The following CRIM1 variants were observed in gnomAD, a reference collection of about 807,000 sequenced individuals.
The protein encoded by CRIM1 is cysteine rich transmembrane BMP regulator 1, also known as cysteine-rich motor neuron 1 protein.
Under a neutral mutation model 116.4 loss-of-function variants are expected in CRIM1, and 32 were observed. The ratio of observed to expected loss-of-function variants is 0.27; its 90% confidence interval spans 0.21 to 0.37. CRIM1 has a LOEUF of 0.37. Ranked by LOEUF, CRIM1 falls within the 10% of genes least tolerant of loss-of-function variation. CRIM1 has a pLI of 1.00. For synonymous variants in CRIM1, 590 were observed against 509.2 expected, an observed-to-expected ratio of 1.16 and a Z score of -2.13; for missense variants, 1,331 against 1,354.8, an observed-to-expected ratio of 0.98 and a Z score of 0.28.
At chr2:36,428,242 G>A (rs1240203382) in intron 2 of CRIM1, among the ~76,000 whole-genome samples, 2 of 152,182 alleles carry the variant, frequency 1.3e-5, no homozygotes, top group Non-Finnish European at 2.9e-5. Context: ...GACATTCATA[G>A]GTAAATGACC....
intron 2 of CRIM1, among the ~76,000 whole-genome samples, chr2:36,400,464 G>C (rs1041618329): frequency 6.6e-6 from 1 of 152,110 alleles, no homozygotes; most frequent in Non-Finnish European, 1.5e-5. Context: ...AGGTTCTGCA[G>C]GTAAATGCCA....
At chr2:36,424,540 G>T (rs1447459811) in intron 2 of CRIM1, among the ~76,000 whole-genome samples, 1 of 152,160 alleles carries the variant, frequency 6.6e-6, no homozygotes, top group East Asian at 1.9e-4. Flanking sequence ...TCCACAGTAG[G>T]GCTGTGTCCT....
chr2:36,537,648 C>G, intron 14 of CRIM1, 102 bp downstream of exon 14: 1 of 1,295,236 alleles, frequency 7.7e-7, no homozygotes, highest in Non-Finnish European at 1.0e-6. Context: ...GTTCACACGG[C>G]CCAAGTAGCG....
At chr2:36,389,938 GGTGTTC>G (rs1025734786) in intron 1 of CRIM1, among the ~76,000 whole-genome samples, 4 of 152,054 alleles carry the variant, frequency 2.6e-5, no homozygotes, top group Admixed American at 2.6e-4. Context: ...TCACATATCT[GGTGTTC>G]GTTATGCCTC....
chr2:36,512,143 A>G (rs573249981), intron 9 of CRIM1, 130 bp from the exon 10 acceptor site: 1 of 1,103,156 alleles, frequency 9.1e-7, no homozygotes, highest in African/African-American at 1.5e-5. Flanking sequence ...CACTCCAGGA[A>G]TCTTTGAGAG....
chr2:36,410,497 C>G (rs1470403207), intron 2 of CRIM1, among the ~76,000 whole-genome samples: 1 of 151,916 alleles, frequency 6.6e-6, no homozygotes, highest in Admixed American at 6.6e-5. Context: ...GTATCTTGTC[C>G]TTGTCAGGGT....
At chr2:36,451,084 A>G (rs1314034863) in intron 4 of CRIM1, among the ~76,000 whole-genome samples, 1 of 152,208 alleles carries the variant, frequency 6.6e-6, no homozygotes, top group African/African-American at 2.4e-5. Flanking sequence ...CAAGGTACAG[A>G]TTTTAAAATG....
At chr2:36,372,060 A>G (rs1310522927) in intron 1 of CRIM1, among the ~76,000 whole-genome samples, 2 of 152,196 alleles carry the variant, frequency 1.3e-5, no homozygotes, top group Non-Finnish European at 2.9e-5. Flanking sequence ...GTGAGTGCCA[A>G]GTGCAGTGTG....
At position 36,495,899 on chromosome 2, in the gene CRIM1, C is replaced by T. The variant is rs116498805; in HGVS notation, c.1373-3320C>T. Among the ~76,000 whole-genome samples, 1,371 of 152,076 alleles carry T rather than the reference C, an allele frequency of 9.0e-3. 27 individuals carry two copies. The highest frequency in any genetic ancestry group is 0.031 in the African/African-American group (1,275 of 41,470). ...ATAGGTAGATAGTCTATATACTTAC[C>T]GGTCATATTTTTGTCGTAATGTTGT... On this transcript the variant is annotated intron_variant, in intron 7 of 16. Coordinates refer to ENST00000280527, the MANE Select transcript of CRIM1 (RefSeq NM_016441.3).
chr2:36,459,093 T>G (rs530176428), intron 4 of CRIM1, among the ~76,000 whole-genome samples: 3 of 151,004 alleles, frequency 2.0e-5, no homozygotes, highest in East Asian at 1.9e-4. Flanking sequence ...TGCTTTTTTG[T>G]TTTTTTTTAG....
intron 7 of CRIM1, among the ~76,000 whole-genome samples, chr2:36,497,483 A>G (rs1026602301): frequency 1.3e-5 from 2 of 152,204 alleles, no homozygotes; most frequent in Non-Finnish European, 2.9e-5. Context: ...AGAACTAAAG[A>G]TGTTTGCAGT....
intron 13 of CRIM1, chr2:36,531,942 C>T (rs72866902): frequency 1.1e-3 from 509 of 470,988 alleles, no homozygotes; most frequent in African/African-American, 9.3e-3. Context: ...CAGCTGCATC[C>T]AGCAAAGGGC....
chr2:36,499,844 A>T (rs1475397271), intron 8 of CRIM1, among the ~76,000 whole-genome samples: 2 of 152,158 alleles, frequency 1.3e-5, no homozygotes, highest in African/African-American at 4.8e-5. Flanking sequence ...AAATAAAATA[A>T]TACACACACA....
intron 1 of CRIM1, among the ~76,000 whole-genome samples, chr2:36,359,692 A>G (rs1344504764): frequency 6.6e-6 from 1 of 152,122 alleles, no homozygotes; most frequent in Non-Finnish European, 1.5e-5. Flanking sequence ...TCTTTTCCGC[A>G]TTGTTTAGAT....
chr2:36,382,966 A>C (rs1009559400), intron 1 of CRIM1, among the ~76,000 whole-genome samples: 1 of 152,232 alleles, frequency 6.6e-6, no homozygotes, highest in African/African-American at 2.4e-5. Context: ...GAAAGCTGTT[A>C]GTTCTTGAAA....
chr2:36,496,578 T>G (rs2125079721), intron 7 of CRIM1, among the ~76,000 whole-genome samples: 1 of 152,344 alleles, frequency 6.6e-6, no homozygotes, highest in East Asian at 1.9e-4. Context: ...CTGAAATATT[T>G]AACACACACA....
intron 14 of CRIM1, among the ~76,000 whole-genome samples, chr2:36,541,925 T>G (rs924653865): frequency 7.2e-5 from 11 of 152,350 alleles, no homozygotes; most frequent in African/African-American, 2.6e-4. Flanking sequence ...GCATTCCCAC[T>G]TCTTTTTGTT....
At chr2:36,479,437 C>T (rs1679234434) in intron 6 of CRIM1, 60 bp from the exon 7 acceptor site, 5 of 1,531,372 alleles carry the variant, frequency 3.3e-6, no homozygotes, top group Non-Finnish European at 4.5e-6. Flanking sequence ...TCTCTGGGTA[C>T]TGACAGAGAT....
intron 13 of CRIM1, among the ~76,000 whole-genome samples, chr2:36,527,937 C>T (rs1295666585): frequency 6.6e-6 from 1 of 152,026 alleles, no homozygotes; most frequent in African/African-American, 2.4e-5. Flanking sequence ...ATAATCACAG[C>T]TCTGTCACAT....
Sources: allele counts gnomAD v4.1 joint callset (sites outside exome capture counted in the v4.1 genomes callset), GRCh38; gene constraint gnomAD v4.1.1; transcripts MANE v1.5; gene names NCBI Gene and HGNC (gene_info 2026-07-23, HGNC 2026-07-21).